The following RALYL variants were observed in gnomAD, a reference collection of about 807,000 sequenced individuals.
The protein encoded by RALYL is RNA-binding Raly-like protein.
A neutral mutation model predicts 35.1 loss-of-function variants in RALYL; 29 were observed. That is an observed-to-expected ratio of 0.83 (90% confidence interval 0.61 to 1.13). The LOEUF (loss-of-function observed/expected upper bound fraction) is 1.13, where lower values mean the gene tolerates loss of function less well. Among genes scored for constraint, RALYL ranks in the 50% most tolerant of loss-of-function variants. RALYL has a pLI of 0.00. For synonymous variants in RALYL, 120 were observed against 127.6 expected (o/e 0.94, Z 0.40); for missense variants, 359 against 360.4 (o/e 1.00, Z 0.03).
At chr8:84,360,616 A>G (rs1852792133) in intron 1 of RALYL, among the ~76,000 whole-genome samples, 1 of 152,150 alleles carries the variant, frequency 6.6e-6, no homozygotes, top group African/African-American at 2.4e-5. Flanking sequence ...AGAAAAGGAA[A>G]TTTTACTTAG....
intron 1 of RALYL, among the ~76,000 whole-genome samples, chr8:84,461,041 A>G (rs956583583): frequency 5.3e-5 from 8 of 151,650 alleles, no homozygotes; most frequent in Admixed American, 2.6e-4. Flanking sequence ...TATTCTTTGC[A>G]TTTTGAATAT....
intron 1 of RALYL, among the ~76,000 whole-genome samples, chr8:84,460,331 A>T (rs751720718): frequency 3.3e-5 from 5 of 151,766 alleles, no homozygotes; most frequent in African/African-American, 7.2e-5. Flanking sequence ...CCACTCCTAC[A>T]AATTTCACCT....
chr8:84,468,175 A>G (rs1019728722), intron 1 of RALYL, among the ~76,000 whole-genome samples: 2 of 151,204 alleles, frequency 1.3e-5, no homozygotes, highest in African/African-American at 2.4e-5. Context: ...TGTGAATTTG[A>G]TCCTGTCATT....
chr8:84,204,964 G>A lies in RALYL; in HGVS notation c.-24+20540G>A, dbSNP rs116601898. Among the ~76,000 whole-genome samples, 597 of 152,150 alleles carry A rather than the reference G, an allele frequency of 3.9e-3. 1 individual carries two copies. Among genetic ancestry groups the A allele is most frequent in the African/African-American group, 0.013 (553 of 41,516 alleles). ...AGATGATAAACTGGAGGCTCACTGGGCCTATGCTTCTTGCCCAGGATGACA... is the reference window on the plus strand; with the variant it reads ...AGATGATAAACTGGAGGCTCACTGGACCTATGCTTCTTGCCCAGGATGACA... On this transcript the variant is annotated intron_variant, in intron 1 of 8. Coordinates refer to ENST00000521268, the MANE Select transcript of RALYL (RefSeq NM_173848.7).
At chr8:84,771,433 A>G (rs1463311835) in intron 2 of RALYL, among the ~76,000 whole-genome samples, 35 of 152,120 alleles carry the variant, frequency 2.3e-4, no homozygotes, top group Non-Finnish European at 1.5e-5. Flanking sequence ...CCTGGATCAC[A>G]GAGTTTGAAC....
chr8:84,402,379 G>A (rs1439225353), intron 1 of RALYL, among the ~76,000 whole-genome samples: 2 of 152,036 alleles, frequency 1.3e-5, no homozygotes, highest in South Asian at 2.1e-4. Context: ...CTTGCTGATT[G>A]TGTCTCAAAT....
chr8:84,419,522 A>G (rs1475531175), intron 1 of RALYL, among the ~76,000 whole-genome samples: 4 of 151,786 alleles, frequency 2.6e-5, no homozygotes, highest in African/African-American at 9.7e-5. Flanking sequence ...TAGAACTGCT[A>G]CTACAAATTT....
At chr8:84,356,012 C>T (rs1292071395) in intron 1 of RALYL, among the ~76,000 whole-genome samples, 1 of 149,780 alleles carries the variant, frequency 6.7e-6, no homozygotes, top group East Asian at 1.9e-4. Flanking sequence ...CTTGGGAGAT[C>T]TGATGGTTTA....
At chr8:84,912,120 C>A (rs981482520) in intron 8 of RALYL, among the ~76,000 whole-genome samples, 6 of 152,084 alleles carry the variant, frequency 3.9e-5, no homozygotes, top group Admixed American at 6.6e-5. Flanking sequence ...GAGACCAACA[C>A]TATCTTGAGA....
At chr8:84,663,139 C>T (rs571669913) in intron 2 of RALYL, among the ~76,000 whole-genome samples, 3 of 152,138 alleles carry the variant, frequency 2.0e-5, no homozygotes, top group Non-Finnish European at 4.4e-5. Context: ...CAGCTCCATC[C>T]ATGTCCCTGC....
At chr8:84,288,678 T>A (rs1838159828) in intron 1 of RALYL, among the ~76,000 whole-genome samples, 1 of 152,216 alleles carries the variant, frequency 6.6e-6, no homozygotes, top group African/African-American at 2.4e-5. Flanking sequence ...GCAAGATATT[T>A]TCATCTTACA....
At chr8:84,597,993 G>A (rs921214253) in intron 2 of RALYL, among the ~76,000 whole-genome samples, 8 of 152,094 alleles carry the variant, frequency 5.3e-5, no homozygotes, top group African/African-American at 1.9e-4. Flanking sequence ...ACCTGCAGGA[G>A]AAACCTAGCC....
chr8:84,188,504 A>G (rs1411163756), intron 1 of RALYL, among the ~76,000 whole-genome samples: 6 of 152,066 alleles, frequency 3.9e-5, no homozygotes, highest in Admixed American at 3.3e-4. Flanking sequence ...ATTCAGTTTG[A>G]TTCTTTGATT....
chr8:84,608,700 A>C (rs1472336735), intron 2 of RALYL, among the ~76,000 whole-genome samples: 1 of 152,130 alleles, frequency 6.6e-6, no homozygotes, highest in Admixed American at 6.6e-5. Flanking sequence ...TAGGAATGAC[A>C]CAGAGTTTCT....
intron 1 of RALYL, among the ~76,000 whole-genome samples, chr8:84,362,943 G>A (rs1039609677): frequency 6.6e-6 from 1 of 152,130 alleles, no homozygotes; most frequent in Non-Finnish European, 1.5e-5. Context: ...GCAGGACACA[G>A]TGGGGAAATA....
At position 84,744,609 on chromosome 8, in the gene RALYL, T is replaced by C. The variant is rs138438755; in HGVS notation, c.257-29970T>C. On this transcript the variant is annotated intron_variant, in intron 2 of 8. Transcript: ENST00000521268. ...CTCAGAATGTGTATTACTCAAGTAT[T>C]GTTTGTGGACCACATCTTGAAAATT... is the stretch of plus-strand genomic sequence containing the variant. Among the ~76,000 whole-genome samples the C allele has an allele frequency of 8.8e-3, 1,335 of 152,126 alleles. 22 individuals carry two copies. Among genetic ancestry groups the C allele is most frequent in the African/African-American group, 0.03 (1,233 of 41,534 alleles).
At chr8:84,529,960 G>T (rs1406629849) in intron 2 of RALYL, among the ~76,000 whole-genome samples, 1 of 152,070 alleles carries the variant, frequency 6.6e-6, no homozygotes, top group Non-Finnish European at 1.5e-5. Flanking sequence ...TGAGCCTAAT[G>T]CATTTTCCTC....
chr8:84,639,408 C>T (rs1825852538), intron 2 of RALYL, among the ~76,000 whole-genome samples: 1 of 151,720 alleles, frequency 6.6e-6, no homozygotes, highest in Non-Finnish European at 1.5e-5. Flanking sequence ...TTCTGTCAAC[C>T]TTATGATCTC....
At chr8:84,267,423 A>G (rs531269892) in intron 1 of RALYL, among the ~76,000 whole-genome samples, 19 of 152,282 alleles carry the variant, frequency 1.2e-4, no homozygotes, top group African/African-American at 4.1e-4. Context: ...TGTTTTAATT[A>G]TTACCTCCTT....
Sources: gnomAD v4.1 joint callset for allele counts (sites outside exome capture counted in the v4.1 genomes callset) on GRCh38, gnomAD v4.1.1 for gene constraint, MANE v1.5 for transcripts, NCBI Gene and HGNC (gene_info 2026-07-23, HGNC 2026-07-21) for gene names.